Variants in SLIT2 observed in about 807,000 individuals in gnomAD.
The protein encoded by SLIT2 is slit guidance ligand 2, also known as slit homolog 2 protein.
SLIT2 carries 41 observed loss-of-function variants against 185.7 expected under a neutral mutation model. That is an observed-to-expected ratio of 0.22 (90% CI 0.17 to 0.29). The LOEUF (loss-of-function observed/expected upper bound fraction) is 0.29. Among genes scored for constraint, SLIT2 ranks in the 10% least tolerant of loss-of-function variants. The probability of loss-of-function intolerance (pLI) is 1.00; values close to 1 mark genes in which losing one functional copy is unlikely to be tolerated. For missense variants in SLIT2, 1,571 were observed against 1,909.0 expected (o/e 0.82, Z 3.30); for synonymous variants, 693 against 680.2 (o/e 1.02, Z -0.29).
intron 4 of SLIT2, among the ~76,000 whole-genome samples, chr4:20,407,451 C>T (rs2109417113): frequency 6.6e-6 from 1 of 152,238 alleles, no homozygotes; most frequent in African/African-American, 2.4e-5. Flanking sequence ...AAACGCCTGC[C>T]TTTTGTTATT....
chr4:20,436,784 T>C (rs2148692697), intron 4 of SLIT2, among the ~76,000 whole-genome samples: 1 of 152,288 alleles, frequency 6.6e-6, no homozygotes, highest in African/African-American at 2.4e-5. Flanking sequence ...GCCTAGCATA[T>C]TTACTGTCTG....
chr4:20,441,171 T>C (rs1474288814), intron 4 of SLIT2, among the ~76,000 whole-genome samples: 2 of 152,198 alleles, frequency 1.3e-5, no homozygotes, highest in Non-Finnish European at 2.9e-5. Flanking sequence ...AAACATGTGG[T>C]CAGTGTGGCA....
In SLIT2 at chr4:20,548,543, A is replaced by G; in HGVS notation, c.2401A>G (p.Thr801Ala). Reference protein sequence around the residue: ...TLSNQSFSNMTQLLTLILSYN... With the variant: ...TLSNQSFSNMAQLLTLILSYN... ...TTCTAATCAGAGCTTCAGCAACATG[A>G]CCCAGCTCCTCACCTTGTGAGTGTG... The change falls in exon 23 of 37, where the codon ACC (threonine) becomes GCC (alanine). Residue 801 changes from threonine to alanine, a missense_variant. By Grantham distance (58) the Thr-to-Ala change is moderately conservative. Coordinates refer to ENST00000504154, the MANE Select transcript of SLIT2 (RefSeq NM_004787.4). 1 of 1,603,994 alleles carries G rather than the reference A, an allele frequency of 6.2e-7. No homozygotes were observed. The highest frequency in any genetic ancestry group is 1.7e-5 in the Admixed American group (1 of 59,888).
intron 29 of SLIT2, 79 bp from the exon 30 acceptor site, chr4:20,589,565 C>T: frequency 9.3e-7 from 1 of 1,073,514 alleles, no homozygotes. Flanking sequence ...ACCTCTAAGA[C>T]CCATGACAAT....
chr4:20,537,186 A>G (rs1328199352), intron 18 of SLIT2, among the ~76,000 whole-genome samples: 1 of 152,204 alleles, frequency 6.6e-6, no homozygotes, highest in African/African-American at 2.4e-5. Context: ...ATTATGGAGT[A>G]TTATGTGCTG....
At chr4:20,304,256 G>A (rs1453451799) in intron 4 of SLIT2, among the ~76,000 whole-genome samples, 2 of 151,928 alleles carry the variant, frequency 1.3e-5, no homozygotes, top group Non-Finnish European at 2.9e-5. Flanking sequence ...AGCTCAACTA[G>A]ATAACTTTTT....
chr4:20,342,824 T>A (rs1179857273), intron 4 of SLIT2, among the ~76,000 whole-genome samples: 2 of 145,506 alleles, frequency 1.4e-5, no homozygotes, highest in Non-Finnish European at 3.0e-5. Flanking sequence ...CTGTGGATAG[T>A]GGTACATGAT....
chr4:20,457,065 C>T (rs11733205), intron 4 of SLIT2, among the ~76,000 whole-genome samples: 101,401 of 151,858 alleles, frequency 0.67, 34,818 homozygotes, highest in African/African-American at 0.82. Context: ...AAGAAAGACA[C>T]CAAGTACCTG....
At chr4:20,398,563 C>G (rs1726102439) in intron 4 of SLIT2, among the ~76,000 whole-genome samples, 1 of 151,778 alleles carries the variant, frequency 6.6e-6, no homozygotes, top group Non-Finnish European at 1.5e-5. Context: ...GCTGGACTCT[C>G]TTTTATCATC....
chr4:20,261,808 C>T (rs2322460), intron 3 of SLIT2, among the ~76,000 whole-genome samples: 66,925 of 151,502 alleles, frequency 0.44, 15,898 homozygotes, highest in East Asian at 0.77. Flanking sequence ...GTGTGAACAC[C>T]GCAACCATCT....
intron 9 of SLIT2, among the ~76,000 whole-genome samples, chr4:20,510,073 T>C (rs1486450826): frequency 1.3e-5 from 2 of 152,204 alleles, no homozygotes; most frequent in Non-Finnish European, 2.9e-5. Context: ...GCTTATAAAA[T>C]TTAATATTCA....
rs1171452968 is a variant in SLIT2 at position 20,484,237 on chromosome 4, T to G, written c.540-1963T>G. Among the ~76,000 whole-genome samples, 1 of 152,146 alleles carries G rather than the reference T, an allele frequency of 6.6e-6. No individual in the cohort carries two copies. Among genetic ancestry groups the G allele is most frequent in the African/African-American group, 2.4e-5 (1 of 41,448 alleles). On this transcript the variant is annotated intron_variant, in intron 6 of 36. Transcript: ENST00000504154. The surrounding 1 kb of genome is among the most constrained non-coding windows in gnomAD (Gnocchi z 4.3). ...ATATACTATAAAGATTTTAGCCATA[T>G]TAAGTCAGCATAAATTTTGAGGATG...
At chr4:20,534,695 C>T (rs1577875633) in intron 18 of SLIT2, among the ~76,000 whole-genome samples, 1 of 152,064 alleles carries the variant, frequency 6.6e-6, no homozygotes, top group Admixed American at 6.6e-5. Flanking sequence ...GATCCTGCCC[C>T]GCACAGCCTG....
At chr4:20,559,297 G>A (rs1020251459) in intron 26 of SLIT2, among the ~76,000 whole-genome samples, 1 of 151,934 alleles carries the variant, frequency 6.6e-6, no homozygotes, top group East Asian at 1.9e-4. Context: ...AACAGCATGC[G>A]TGTAAGCCAG....
intron 4 of SLIT2, among the ~76,000 whole-genome samples, chr4:20,418,031 T>C (rs1476242848): frequency 6.6e-6 from 1 of 152,178 alleles, no homozygotes; most frequent in Non-Finnish European, 1.5e-5. Flanking sequence ...CTGTCTCTCC[T>C]ATAGTAGAGT....
At chr4:20,585,234 G>A (rs893850628) in intron 29 of SLIT2, among the ~76,000 whole-genome samples, 2 of 152,118 alleles carry the variant, frequency 1.3e-5, no homozygotes, top group Non-Finnish European at 2.9e-5. Flanking sequence ...ATCCTGAAGA[G>A]GTAACCATAG....
At chr4:20,425,624 A>T (rs535504337) in intron 4 of SLIT2, among the ~76,000 whole-genome samples, 1 of 152,324 alleles carries the variant, frequency 6.6e-6, no homozygotes, top group African/African-American at 2.4e-5. Context: ...TTATTTTCCA[A>T]ATCTTCCTGT....
intron 4 of SLIT2, among the ~76,000 whole-genome samples, chr4:20,339,104 A>G (rs1720750404): frequency 6.6e-6 from 1 of 151,556 alleles, no homozygotes; most frequent in East Asian, 1.9e-4. Context: ...AAAAAAAAAA[A>G]AAAAAAAAGA....
At position 20,449,102 on chromosome 4, in the gene SLIT2, ATAAT is replaced by A. The variant is rs138780955; in HGVS notation, c.396-18647_396-18644del. ...CTATTATTTCAATATTATTAAATAA[ATAAT>A]TATACTACTACCAATTAAAAACAAT... On this transcript the variant is annotated intron_variant, in intron 4 of 36. Transcript: ENST00000504154. 1.1e-3 allele frequency among the ~76,000 whole-genome samples: 164 copies of A among 152,260 alleles called. 1 individual carries two copies. Among genetic ancestry groups the A allele is most frequent in the African/African-American group, 3.6e-3 (148 of 41,570 alleles).
Sources: allele counts gnomAD v4.1 joint callset (sites outside exome capture counted in the v4.1 genomes callset), GRCh38; gene constraint gnomAD v4.1.1; non-coding constraint Gnocchi (gnomAD v3.1); transcripts MANE v1.5; gene names NCBI Gene and HGNC (gene_info 2026-07-23, HGNC 2026-07-21).